Variants in URGCP observed in about 807,000 individuals in gnomAD.
URGCP encodes up-regulator of cell proliferation.
In URGCP, 13 loss-of-function variants were observed where a neutral mutation model predicts 24.6. That is an observed-to-expected ratio of 0.53 (90% CI 0.34 to 0.84). URGCP has a LOEUF of 0.84. Ranked by LOEUF, URGCP falls within the 40% of genes least tolerant of loss-of-function variation. URGCP has a pLI of 0.01. For synonymous variants in URGCP, 444 were observed against 487.2 expected, an observed-to-expected ratio of 0.91 and a Z score of 1.17; for missense variants, 899 against 1,194.3, an observed-to-expected ratio of 0.75 and a Z score of 3.64.
At chr7:43,904,527 A>G (rs1469521857) in intron 1 of URGCP, among the ~76,000 whole-genome samples, 1 of 152,090 alleles carries the variant, frequency 6.6e-6, no homozygotes, top group Non-Finnish European at 1.5e-5. Flanking sequence ...TAGCTGGCTG[A>G]CTGAGATAGC....
intron 1 of URGCP, among the ~76,000 whole-genome samples, chr7:43,913,451 C>A (rs1299801155): frequency 2.0e-5 from 3 of 151,910 alleles, no homozygotes; most frequent in Non-Finnish European, 2.9e-5. Flanking sequence ...ATCTCCTGAC[C>A]TTGTGATCTG....
chr7:43,920,008 C>T (rs1391147539), intron 1 of URGCP: 2 of 1,306,346 alleles, frequency 1.5e-6, no homozygotes, highest in African/African-American at 1.4e-5. Flanking sequence ...TGGATGAGTA[C>T]CACATGGCCA....
intron 5 of URGCP, 53 bp downstream of exon 5, chr7:43,881,606 A>C: frequency 6.2e-7 from 1 of 1,613,080 alleles, no homozygotes; most frequent in Non-Finnish European, 8.5e-7. Flanking sequence ...CTGCTGGCCT[A>C]GATGATAACC....
chr7:43,919,178 T>C, intron 1 of URGCP: 1 of 886,876 alleles, frequency 1.1e-6, no homozygotes, highest in Non-Finnish European at 1.9e-6. Flanking sequence ...ATGACAGGTA[T>C]CCTAAGAAGC....
chr7:43,920,025 C>A (rs975852012), intron 1 of URGCP: 15 of 1,321,320 alleles, frequency 1.1e-5, no homozygotes, highest in Non-Finnish European at 1.6e-5. Context: ...GCCACATGGC[C>A]AGACTACATC....
intron 1 of URGCP, chr7:43,919,338 A>G: frequency 1.2e-6 from 1 of 840,350 alleles, no homozygotes; most frequent in Non-Finnish European, 2.1e-6. Flanking sequence ...CCAGATTGCC[A>G]CAGACCAGAT....
chr7:43,906,396 T>G (rs1320022690), intron 1 of URGCP, 166 bp downstream of exon 1: 29 of 743,968 alleles, frequency 3.9e-5, no homozygotes, highest in South Asian at 6.0e-5. Context: ...CCGCCCAAGG[T>G]CGGCGCGAGC....
upstream of URGCP, chr7:43,906,632 C>T (rs1373649576): frequency 6.9e-5 from 80 of 1,164,710 alleles, no homozygotes; most frequent in Non-Finnish European, 8.2e-5. Flanking sequence ...GGCCGCGGCT[C>T]GGCGCCGGGG....
chr7:43,881,085 GT>G (rs1167953324), intron 5 of URGCP: 2 of 666,406 alleles, frequency 3.0e-6, no homozygotes, highest in African/African-American at 3.6e-5. Context: ...CAAAACAGGT[GT>G]TACTCAGGTT....
At chr7:43,890,833 T>G (rs1463874606) in intron 1 of URGCP, among the ~76,000 whole-genome samples, 1 of 152,252 alleles carries the variant, frequency 6.6e-6, no homozygotes, top group Non-Finnish European at 1.5e-5. Flanking sequence ...AGCCATGCCA[T>G]AAATGGCATG....
chr7:43,924,218 A>G (rs77314266), intron 1 of URGCP, among the ~76,000 whole-genome samples: 1 of 152,306 alleles, frequency 6.6e-6, no homozygotes, highest in East Asian at 1.9e-4. Flanking sequence ...AATTATTTCA[A>G]TGTTAAAAAT....
upstream of URGCP, chr7:43,926,539 C>T (rs1562594113): frequency 2.6e-6 from 4 of 1,566,464 alleles, no homozygotes; most frequent in Non-Finnish European, 3.4e-6. Context: ...TAGGATGGCG[C>T]TAAAGCGGAT....
intron 1 of URGCP, among the ~76,000 whole-genome samples, chr7:43,891,775 T>C (rs2095871103): frequency 6.6e-6 from 1 of 152,098 alleles, no homozygotes; most frequent in African/African-American, 2.4e-5. Flanking sequence ...CTACCACACC[T>C]GGCTACTTTT....
At chr7:43,895,144 T>G (rs1444139805) in intron 1 of URGCP, among the ~76,000 whole-genome samples, 2 of 152,124 alleles carry the variant, frequency 1.3e-5, no homozygotes, top group Non-Finnish European at 2.9e-5. Context: ...GGGGAAAATA[T>G]TTGTACATTA....
At chr7:43,920,123 C>A in intron 1 of URGCP, 1 of 830,556 alleles carries the variant, frequency 1.2e-6, no homozygotes, top group South Asian at 1.7e-5. Flanking sequence ...TGACTGACCA[C>A]TCACTTAGAG....
chr7:43,902,510 T>C (rs1471906211), intron 1 of URGCP, among the ~76,000 whole-genome samples: 1 of 152,146 alleles, frequency 6.6e-6, no homozygotes, highest in Non-Finnish European at 1.5e-5. Flanking sequence ...AACAAAGCGC[T>C]GAGGAGTGAG....
At chr7:43,906,772 C>T (rs1414158410), upstream of URGCP, 1 of 50,996 alleles carries the variant, frequency 2.0e-5, no homozygotes, top group Non-Finnish European at 4.1e-5. Context: ...GGGGTGGGGG[C>T]GGGGCGGCCC....
intron 1 of URGCP, 147 bp downstream of exon 1, chr7:43,906,415 G>T: frequency 1.1e-6 from 1 of 910,800 alleles, no homozygotes; most frequent in Non-Finnish European, 1.3e-6. Flanking sequence ...GCGGGCCGTG[G>T]GCCTGGTGGG....
At chr7:43,902,168 A>G in intron 1 of URGCP, among the ~76,000 whole-genome samples, 1 of 120,554 alleles carries the variant, frequency 8.3e-6, no homozygotes, top group African/African-American at 3.2e-5. Flanking sequence ...GATGGTGGAG[A>G]GGGAGGAGGA....
Sources: gnomAD v4.1 joint callset for allele counts (sites outside exome capture counted in the v4.1 genomes callset) on GRCh38, gnomAD v4.1.1 for gene constraint, MANE v1.5 for transcripts, NCBI Gene and HGNC (gene_info 2026-07-23, HGNC 2026-07-21) for gene names.